The following UTRN variants were observed in gnomAD, a reference collection of about 807,000 sequenced individuals.
UTRN encodes the protein dystrophin-related protein 1.
A neutral mutation model predicts 463.9 loss-of-function variants in UTRN; 283 were observed. That is an observed-to-expected ratio of 0.61 (90% CI 0.55 to 0.67). The LOEUF (loss-of-function observed/expected upper bound fraction) is 0.67, where lower values mean the gene tolerates loss of function less well. Among genes scored for constraint, UTRN ranks in the 30% least tolerant of loss-of-function variants. The probability of loss-of-function intolerance (pLI) is 0.00; values close to 1 mark genes in which losing one functional copy is unlikely to be tolerated. For missense variants in UTRN, 3,922 were observed against 4,084.3 expected, an observed-to-expected ratio of 0.96 and a Z score of 1.08; for synonymous variants, 1,442 against 1,431.5, an observed-to-expected ratio of 1.01 and a Z score of -0.17.
chr6:144,736,496 T>A (rs1789413736), intron 54 of UTRN, among the ~76,000 whole-genome samples: 1 of 152,226 alleles, frequency 6.6e-6, no homozygotes, highest in Non-Finnish European at 1.5e-5. Context: ...AATTATCTTA[T>A]ACTGTTGTAT....
At chr6:144,593,552 A>C (rs907352200) in intron 51 of UTRN, among the ~76,000 whole-genome samples, 10 of 152,066 alleles carry the variant, frequency 6.6e-5, no homozygotes, top group African/African-American at 2.2e-4. Flanking sequence ...TTTTGTAAAG[A>C]GGGGAGTCTC....
At chr6:144,561,289 G>A (rs1799887349) in intron 50 of UTRN, among the ~76,000 whole-genome samples, 1 of 134,724 alleles carries the variant, frequency 7.4e-6, no homozygotes, top group African/African-American at 2.7e-5. Context: ...ATACACACCT[G>A]TGTAACACAC....
At chr6:144,561,414 A>T (rs1214029111) in intron 50 of UTRN, among the ~76,000 whole-genome samples, 1 of 151,626 alleles carries the variant, frequency 6.6e-6, no homozygotes, top group African/African-American at 2.4e-5. Flanking sequence ...ATGTATATAT[A>T]TGCACACTCA....
chr6:144,539,964 A>G (rs757995237), intron 45 of UTRN, among the ~76,000 whole-genome samples: 5 of 150,890 alleles, frequency 3.3e-5, no homozygotes, highest in Admixed American at 6.6e-5. Flanking sequence ...AATTGCCTAT[A>G]CCTGGGAGGT....
intron 43 of UTRN, among the ~76,000 whole-genome samples, chr6:144,536,238 A>G (rs745401489): frequency 6.6e-6 from 1 of 152,212 alleles, no homozygotes; most frequent in Non-Finnish European, 1.5e-5. Flanking sequence ...TCACTTTATA[A>G]TGCTAGTTTT....
chr6:144,554,753 G>T lies in UTRN; in HGVS notation c.6994G>T (p.Glu2332Ter). The T allele has an allele frequency of 6.2e-7, 1 of 1,614,020 alleles. No homozygotes were observed. ...HGVELRQQQL[E>*]DMIIDSLQWD... ...CGTTGAGCTAAGACAGCAGCAGCTT[G>T]AGGACATGATTATTGACAGTCTTCA... Residue 2332 changes from glutamate (E) to a stop codon, truncating the protein, a stop_gained, in exon 49 of 75, where the codon GAG becomes TAG. Coordinates refer to ENST00000367545, the MANE Select transcript of UTRN (RefSeq NM_007124.3). LOFTEE classifies it high-confidence loss of function.
intron 39 of UTRN, among the ~76,000 whole-genome samples, chr6:144,521,620 G>A (rs1796098237): frequency 6.6e-6 from 1 of 152,050 alleles, no homozygotes; most frequent in African/African-American, 2.4e-5. Flanking sequence ...GTATCAAAAT[G>A]TTTTATTTCA....
At chr6:144,708,865 G>A (rs1173700639) in intron 53 of UTRN, among the ~76,000 whole-genome samples, 3 of 152,086 alleles carry the variant, frequency 2.0e-5, no homozygotes, top group African/African-American at 4.8e-5. Context: ...TCAAATCAAG[G>A]GCCTGTATCT....
intron 41 of UTRN, among the ~76,000 whole-genome samples, chr6:144,523,870 T>C (rs1796338956): frequency 6.6e-6 from 1 of 152,214 alleles, no homozygotes; most frequent in Non-Finnish European, 1.5e-5. Context: ...AGTACCAAAC[T>C]CTTTTTTATA....
At chr6:144,355,821 C>T (rs552812077) in intron 2 of UTRN, among the ~76,000 whole-genome samples, 2 of 152,150 alleles carry the variant, frequency 1.3e-5, no homozygotes, top group Non-Finnish European at 2.9e-5. Context: ...ACTTAGTGAA[C>T]TGATATCAGG....
At chr6:144,823,860 C>T (rs1779801690) in intron 66 of UTRN, among the ~76,000 whole-genome samples, 1 of 152,066 alleles carries the variant, frequency 6.6e-6, no homozygotes, top group Non-Finnish European at 1.5e-5. Flanking sequence ...GACACCTCTC[C>T]CTGGTATTGG....
intron 2 of UTRN, among the ~76,000 whole-genome samples, chr6:144,308,606 C>T (rs1371593405): frequency 1.3e-5 from 2 of 152,172 alleles, no homozygotes; most frequent in South Asian, 2.1e-4. Flanking sequence ...TTTGCCTACT[C>T]TTGCCCTAAG....
intron 53 of UTRN, among the ~76,000 whole-genome samples, chr6:144,718,944 C>T (rs1786801645): frequency 6.6e-6 from 1 of 152,046 alleles, no homozygotes; most frequent in African/African-American, 2.4e-5. Context: ...AGGGGTGAGC[C>T]CTGTGGATTT....
chr6:144,542,314 C>T (rs145878126), intron 45 of UTRN, among the ~76,000 whole-genome samples: 76 of 152,208 alleles, frequency 5.0e-4, no homozygotes, highest in African/African-American at 1.7e-3. Flanking sequence ...ATGTTTTGGG[C>T]AGTCTTTAGC....
At chr6:144,829,445 T>C (rs1780470659) in intron 69 of UTRN, among the ~76,000 whole-genome samples, 1 of 152,164 alleles carries the variant, frequency 6.6e-6, no homozygotes, top group African/African-American at 2.4e-5. Flanking sequence ...GATTTCCCCA[T>C]ATGTGTATAT....
At chr6:144,450,758 T>C (rs1425295671) in intron 17 of UTRN, among the ~76,000 whole-genome samples, 1 of 152,222 alleles carries the variant, frequency 6.6e-6, no homozygotes, top group Non-Finnish European at 1.5e-5. Flanking sequence ...CTGGTTTTTA[T>C]TATCTATAAG....
chr6:144,772,589 A>G (rs1794195909), intron 59 of UTRN, among the ~76,000 whole-genome samples: 1 of 152,198 alleles, frequency 6.6e-6, no homozygotes, highest in South Asian at 2.1e-4. Context: ...CGCAAAAAAT[A>G]TATATAGATA....
chr6:144,735,377 A>T (rs1789260878), intron 54 of UTRN, among the ~76,000 whole-genome samples: 1 of 152,192 alleles, frequency 6.6e-6, no homozygotes. Flanking sequence ...CCATAAGGAA[A>T]GAGCAGCTGT....
intron 73 of UTRN, among the ~76,000 whole-genome samples, chr6:144,845,116 T>C (rs926663245): frequency 2.0e-5 from 3 of 152,244 alleles, no homozygotes; most frequent in African/African-American, 7.2e-5. Flanking sequence ...CCTTGAATTA[T>C]GGCCTTTTAA....
Sources: gnomAD v4.1 joint callset for allele counts (sites outside exome capture counted in the v4.1 genomes callset) on GRCh38, gnomAD v4.1.1 for gene constraint, MANE v1.5 for transcripts, NCBI Gene and HGNC (gene_info 2026-07-23, HGNC 2026-07-21) for gene names.